USP6NL: variants seen among roughly 807,000 people sequenced by gnomAD.
USP6NL encodes the protein USP6 N-terminal-like protein.
A neutral mutation model predicts 61.9 loss-of-function variants in USP6NL; 26 were observed. The ratio of observed to expected loss-of-function variants is 0.42; its 90% CI spans 0.31 to 0.58. USP6NL has a LOEUF of 0.58. USP6NL is among the 20% of genes least tolerant of loss of function. The probability of loss-of-function intolerance (pLI) is 0.16; values close to 1 mark genes in which losing one functional copy is unlikely to be tolerated. For missense variants in USP6NL, 1,114 were observed against 1,034.3 expected, an observed-to-expected ratio of 1.08 and a Z score of -1.06; for synonymous variants, 432 against 390.1, an observed-to-expected ratio of 1.11 and a Z score of -1.27.
At chr10:11,563,502 A>G (rs1036513790) in intron 2 of USP6NL, 5 of 152,180 alleles carry the variant, frequency 3.3e-5, no homozygotes, top group East Asian at 1.9e-4. Context: ...GATTGTACCA[A>G]TATCAATATC....
intron 6 of USP6NL, among the ~76,000 whole-genome samples, chr10:11,504,200 G>A (rs917556542): frequency 1.3e-5 from 2 of 152,060 alleles, no homozygotes; most frequent in African/African-American, 2.4e-5. Flanking sequence ...ACTGTTACAT[G>A]ACAGACTAAC....
chr10:11,489,202 C>A lies in USP6NL; in HGVS notation c.564G>T (p.Gly188=). ...IYNTEVGYCQ[G]MSQITALLLM... is the part of the protein sequence containing the mutation. ...GGAGTAAAGCTGTGATCTGGCTCAT[C>A]CCCTGACAATACCCGACTTCCTGGG... Residue 188 remains glycine (G), a synonymous_variant, in exon 10 of 15, where the codon GGG becomes GGT. Transcript: ENST00000609104. The surrounding 1 kb of genome is among the most constrained non-coding windows in gnomAD (Gnocchi z 5.7). The A allele has an allele frequency of 6.2e-7, 1 of 1,613,836 alleles. No individual in the cohort carries two copies. Among genetic ancestry groups the A allele is most frequent in the Non-Finnish European group, 8.5e-7 (1 of 1,179,794 alleles).
chr10:11,549,054 CT>C (rs1566173785), intron 2 of USP6NL, among the ~76,000 whole-genome samples: 1 of 152,148 alleles, frequency 6.6e-6, no homozygotes, highest in Non-Finnish European at 1.5e-5. Context: ...GGAGTCTAGT[CT>C]TCTGGTACCT....
rs910106939 is a variant in USP6NL at position 11,532,314 on chromosome 10, C to T, written c.5-4747G>A. On this transcript the variant is annotated intron_variant, in intron 2 of 14. Transcript: ENST00000609104. This position sits in a 1 kb window ranked among gnomAD's most constrained non-coding sequence, Gnocchi z 4.1. Reference sequence around the variant, plus strand: ...AAGAGTGCTGCCCGGCGGTACCTCACACATTCTGCAACTAACTAAAACAAA... The same window carrying T: ...AAGAGTGCTGCCCGGCGGTACCTCATACATTCTGCAACTAACTAAAACAAA... 1.9e-5 allele frequency: 22 copies of T among 1,180,070 alleles called. No homozygotes were observed. The highest frequency in any genetic ancestry group is 2.8e-5 in the Admixed American group (1 of 35,836). 73.1% of individuals were successfully genotyped at this position (1,180,070 alleles called of 1,614,324 possible).
intron 4 of USP6NL, among the ~76,000 whole-genome samples, chr10:11,521,015 GA>G: frequency 6.6e-6 from 1 of 152,258 alleles, no homozygotes. Context: ...GAAAGAGAGA[GA>G]CCTTAACTGG....
intron 2 of USP6NL, among the ~76,000 whole-genome samples, chr10:11,572,315 T>C (rs981560345): frequency 1.3e-5 from 2 of 152,076 alleles, no homozygotes; most frequent in African/African-American, 4.8e-5. Context: ...GATGGGAATG[T>C]AGTTTTCTAT....
At chr10:11,493,425 G>A (rs868292582) in intron 7 of USP6NL, among the ~76,000 whole-genome samples, 197 bp from the exon 8 acceptor site, 1 of 151,672 alleles carries the variant, frequency 6.6e-6, no homozygotes, top group South Asian at 2.1e-4. Context: ...TTCTCCTACT[G>A]CCTGCTTCTC....
At chr10:11,559,954 T>A (rs1836860011) in intron 2 of USP6NL, among the ~76,000 whole-genome samples, 1 of 152,086 alleles carries the variant, frequency 6.6e-6, no homozygotes. Flanking sequence ...TATTTGTGCA[T>A]GAAAAAAAGA....
At chr10:11,473,066 G>A (rs2133186999) in intron 14 of USP6NL, among the ~76,000 whole-genome samples, 1 of 152,286 alleles carries the variant, frequency 6.6e-6, no homozygotes, top group African/African-American at 2.4e-5. Context: ...CTCAAAAAGT[G>A]GGGCAATTTC....
chr10:11,505,945 G>A (rs1409677519), intron 6 of USP6NL, among the ~76,000 whole-genome samples: 1 of 152,114 alleles, frequency 6.6e-6, no homozygotes, highest in Non-Finnish European at 1.5e-5. Flanking sequence ...AACAGCAACA[G>A]GTCTCCCAAA....
At position 11,600,500 on chromosome 10, in the gene USP6NL, G is replaced by A. The variant is rs574254263; in HGVS notation, c.-83-2783C>T. 6.6e-6 allele frequency among the ~76,000 whole-genome samples: 1 copy of A among 152,290 alleles called. No homozygotes were observed. Among genetic ancestry groups the A allele is most frequent in the South Asian group, 2.1e-4 (1 of 4,822 alleles). ...TGGTGTTGTGCACTGAAAGTTTGCA[G>A]TCGTTACACAGCATTATTACAGCCA... On this transcript the variant is annotated intron_variant, in intron 1 of 14. Transcript: ENST00000609104. This position sits in a 1 kb window ranked among gnomAD's most constrained non-coding sequence, Gnocchi z 4.1.
chr10:11,566,741 C>T (rs557450544), intron 2 of USP6NL, among the ~76,000 whole-genome samples: 83 of 152,362 alleles, frequency 5.4e-4, no homozygotes, highest in Middle Eastern at 3.4e-3. Context: ...TGGCTACTGG[C>T]TACCATGCTG....
intron 2 of USP6NL, among the ~76,000 whole-genome samples, chr10:11,580,963 G>A (rs1837743136): frequency 6.6e-6 from 1 of 151,948 alleles, no homozygotes; most frequent in African/African-American, 2.4e-5. Flanking sequence ...AATATAAAAA[G>A]TACAAGAGTA....
intron 14 of USP6NL, among the ~76,000 whole-genome samples, chr10:11,471,581 G>A (rs1322028671): frequency 6.6e-6 from 1 of 152,108 alleles, no homozygotes; most frequent in Non-Finnish European, 1.5e-5. Context: ...TAACCCAAAT[G>A]TCCAACAATG....
intron 1 of USP6NL, among the ~76,000 whole-genome samples, chr10:11,599,712 T>C (rs1564243561): frequency 6.6e-6 from 1 of 151,608 alleles, no homozygotes; most frequent in African/African-American, 2.4e-5. Flanking sequence ...CTTTAAAATA[T>C]AGATCCTCCA....
intron 7 of USP6NL, among the ~76,000 whole-genome samples, chr10:11,494,854 AAGGCGGACT>A (rs1186923994): frequency 2.6e-5 from 4 of 152,184 alleles, no homozygotes; most frequent in Admixed American, 2.0e-4. Context: ...ATGGAACATG[AAGGCGGACT>A]AGGAGCATGA....
chr10:11,582,067 C>G (rs1229208474), intron 2 of USP6NL, among the ~76,000 whole-genome samples: 1 of 151,982 alleles, frequency 6.6e-6, no homozygotes, highest in Non-Finnish European at 1.5e-5. Flanking sequence ...CGGCTTCAAG[C>G]GATTCTCCTG....
chr10:11,567,726 A>C (rs1371343521), intron 2 of USP6NL, among the ~76,000 whole-genome samples: 4 of 152,252 alleles, frequency 2.6e-5, no homozygotes, highest in Non-Finnish European at 5.9e-5. Context: ...ACAATAATAA[A>C]AATAACAAAA....
rs1835059701 is a variant in USP6NL at position 11,518,569 on chromosome 10, T to C, written c.161A>G (p.Glu54Gly). 2 of 1,612,368 alleles carry C rather than the reference T, an allele frequency of 1.2e-6. No homozygotes were observed. The highest frequency in any genetic ancestry group is 1.7e-5 in the Admixed American group (1 of 59,698). The change falls in exon 5 of 15, where the codon GAG becomes GGG. Residue 54 changes from glutamate (E) to glycine (G), a missense_variant. Physicochemically the swap from Glu to Gly is moderately conservative, Grantham distance 98. Transcript: ENST00000609104. This position sits in a 1 kb window ranked among gnomAD's most constrained non-coding sequence, Gnocchi z 5.3. ...AGCCACATTATGATCTGGGAGCTCC[T>C]CCTCACTGCAGAGGAAAAACAGTAT... ...VTDRFGFLHE[E>G]ELPDHNVAVE...
Sources: allele counts gnomAD v4.1 joint callset (sites outside exome capture counted in the v4.1 genomes callset), GRCh38; gene constraint gnomAD v4.1.1; non-coding constraint Gnocchi (gnomAD v3.1); transcripts MANE v1.5; gene names NCBI Gene and HGNC (gene_info 2026-07-23, HGNC 2026-07-21).